The following DNAH14 variants were observed in gnomAD, a reference collection of about 807,000 sequenced individuals.
The protein encoded by DNAH14 is axonemal beta dynein heavy chain 14.
A neutral mutation model predicts 520.9 loss-of-function variants in DNAH14; 478 were observed. The ratio of observed to expected loss-of-function variants is 0.92; its 90% confidence interval spans 0.85 to 0.99. The LOEUF (loss-of-function observed/expected upper bound fraction) is 0.99. DNAH14 is among the 50% of genes least tolerant of loss of function. The probability of loss-of-function intolerance (pLI) is 0.00; values close to 1 mark genes in which losing one functional copy is unlikely to be tolerated. For missense variants in DNAH14, 4,831 were observed against 5,234.5 expected (o/e 0.92, Z 2.38); for synonymous variants, 1,581 against 1,757.2 (o/e 0.90, Z 2.51).
chr1:225,170,619 C>A (rs1038168806), intron 36 of DNAH14, among the ~76,000 whole-genome samples: 2 of 152,128 alleles, frequency 1.3e-5, no homozygotes, highest in Non-Finnish European at 2.9e-5. Context: ...ATTCATAAAG[C>A]AAGTCCTTAG....
intron 8 of DNAH14, among the ~76,000 whole-genome samples, chr1:224,980,307 A>G (rs1302487097): frequency 6.6e-6 from 1 of 152,120 alleles, no homozygotes; most frequent in Non-Finnish European, 1.5e-5. Context: ...CCACAAGCTG[A>G]CTGAAAAGCC....
intron 36 of DNAH14, among the ~76,000 whole-genome samples, chr1:225,180,475 A>G (rs1424274899): frequency 6.6e-6 from 1 of 152,230 alleles, no homozygotes; most frequent in Non-Finnish European, 1.5e-5. Flanking sequence ...GCTTCCACAC[A>G]TGGCAGAAAG....
At chr1:225,253,343 G>A (rs1005945372) in intron 44 of DNAH14, among the ~76,000 whole-genome samples, 4 of 151,954 alleles carry the variant, frequency 2.6e-5, no homozygotes, top group African/African-American at 4.8e-5. Context: ...CCACTCACAC[G>A]GGAAACCAAA....
chr1:225,078,543 C>T (rs1402025281), intron 17 of DNAH14, among the ~76,000 whole-genome samples: 7 of 152,126 alleles, frequency 4.6e-5, no homozygotes, highest in African/African-American at 2.4e-5. Flanking sequence ...CATGTTAATG[C>T]CCCAGTACTT....
intron 10 of DNAH14, among the ~76,000 whole-genome samples, chr1:225,009,160 G>C (rs2064467847): frequency 6.6e-6 from 1 of 152,118 alleles, no homozygotes; most frequent in Non-Finnish European, 1.5e-5. Context: ...TGCTTTTGGT[G>C]TTTTAGTCAT....
chr1:224,999,736 G>A (rs1031922794), intron 8 of DNAH14, among the ~76,000 whole-genome samples: 1 of 151,660 alleles, frequency 6.6e-6, no homozygotes, highest in Non-Finnish European at 1.5e-5. Context: ...TCTTTGTGTA[G>A]CTTTTTTAGT....
At chr1:225,223,155 G>A (rs1381920242) in intron 41 of DNAH14, among the ~76,000 whole-genome samples, 1 of 152,148 alleles carries the variant, frequency 6.6e-6, no homozygotes, top group African/African-American at 2.4e-5. Context: ...ACAGCTATGG[G>A]ACCCTGTCTT....
chr1:225,258,267 T>A, intron 45 of DNAH14, 149 bp downstream of exon 45: 1 of 733,712 alleles, frequency 1.4e-6, no homozygotes, highest in Non-Finnish European at 2.0e-6. Flanking sequence ...ACCAGCAGTT[T>A]ATGAACACCC....
In DNAH14 at chr1:225,239,682, T is replaced by C. The variant is rs79805426; in HGVS notation, c.6519-911T>C. Among the ~76,000 whole-genome samples, 1,509 of 152,308 alleles carry C rather than the reference T, an allele frequency of 9.9e-3. 39 individuals are homozygous for C. The highest frequency in any genetic ancestry group is 0.074 in the East Asian group (385 of 5,188). On this transcript the variant is annotated intron_variant, in intron 42 of 85. Coordinates refer to ENST00000682510, the MANE Select transcript of DNAH14 (RefSeq NM_001367479.1). ...ACTTATCATTGTTTAGCATTAATTT[T>C]CCTGTTCTGTAAAAAAGGGATCATA...
intron 1 of DNAH14, among the ~76,000 whole-genome samples, chr1:224,941,505 CAGA>C (rs2059418739): frequency 6.6e-6 from 1 of 152,138 alleles, no homozygotes; most frequent in African/African-American, 2.4e-5. Flanking sequence ...TTTTGCTGTG[CAGA>C]AGCTCTTTAG....
intron 38 of DNAH14, among the ~76,000 whole-genome samples, chr1:225,194,111 G>A (rs563507174): frequency 2.6e-5 from 4 of 152,138 alleles, no homozygotes; most frequent in South Asian, 2.1e-4. Context: ...CTGTTAAAAT[G>A]GCCATACTGC....
intron 35 of DNAH14, among the ~76,000 whole-genome samples, chr1:225,161,565 AG>A (rs2149155324): frequency 6.6e-6 from 1 of 152,240 alleles, no homozygotes; most frequent in African/African-American, 2.4e-5. Context: ...CTCTGTTTTT[AG>A]TTTTTTGACC....
chr1:225,103,211 A>G (rs1368533579), intron 23 of DNAH14, among the ~76,000 whole-genome samples: 1 of 152,060 alleles, frequency 6.6e-6, no homozygotes, highest in African/African-American at 2.4e-5. Context: ...GATATGGGAC[A>G]TTATTTCTGA....
chr1:225,084,555 T>C (rs868010206), intron 20 of DNAH14, among the ~76,000 whole-genome samples: 5 of 152,054 alleles, frequency 3.3e-5, no homozygotes, highest in African/African-American at 4.8e-5. Flanking sequence ...ACCTACCACA[T>C]GAAAAGCATT....
At position 225,353,841 on chromosome 1, in the gene DNAH14, A is replaced by G; in HGVS notation, c.11572A>G (p.Ile3858Val). ...LNENKETCNP[I>V]NFPWEKLTSF... is the part of the protein sequence containing the mutation. The stretch of plus-strand genomic sequence containing the variant: ...TGAAAATAAAGAAACGTGTAATCCT[A>G]TAAATTTTCCCTGGGAGAAACTCAC... Residue 3858 changes from isoleucine (I) to valine (V), a missense_variant, in exon 73 of 86, where the codon ATA becomes GTA. Physicochemically the swap from Ile to Val is conservative, Grantham distance 29. Coordinates refer to ENST00000682510, the MANE Select transcript of DNAH14 (RefSeq NM_001367479.1). 1 of 1,521,778 alleles carries G rather than the reference A, an allele frequency of 6.6e-7. No individual in the cohort carries two copies. The highest frequency in any genetic ancestry group is 8.9e-7 in the Non-Finnish European group (1 of 1,125,120). 94.3% of individuals were successfully genotyped at this position (1,521,778 alleles called of 1,614,324 possible).
At chr1:225,015,631 G>A (rs986427805) in intron 10 of DNAH14, among the ~76,000 whole-genome samples, 7 of 152,134 alleles carry the variant, frequency 4.6e-5, no homozygotes, top group Admixed American at 2.0e-4. Context: ...ATACCTTTAA[G>A]GGTAAACAAC....
At chr1:225,203,032 T>G (rs11584486) in intron 38 of DNAH14, among the ~76,000 whole-genome samples, 19,439 of 152,202 alleles carry the variant, frequency 0.13, 1,396 homozygotes, top group East Asian at 0.31. Context: ...TTCCACAGTT[T>G]GGACACTCTC....
rs2086803463 is a variant in DNAH14 at position 225,201,400 on chromosome 1, TG to T, written c.5887-2781del. Among the ~76,000 whole-genome samples, 4 of 152,278 alleles carry T rather than the reference TG, an allele frequency of 2.6e-5. No homozygotes were observed. The South Asian group carries it at 8.3e-4, about 32-fold the overall frequency. ...TTTCGTCTTGGTTTAGATTCATTGC[TG>T]GTGAGCTAGTGTGGTTTTTGGGGGC... On this transcript the variant is annotated intron_variant, in intron 38 of 85. Coordinates refer to ENST00000682510, the MANE Select transcript of DNAH14 (RefSeq NM_001367479.1).
chr1:225,074,131 C>G (rs2071927957), intron 17 of DNAH14, among the ~76,000 whole-genome samples: 1 of 150,030 alleles, frequency 6.7e-6, no homozygotes, highest in Admixed American at 6.7e-5. Context: ...TCCCAAGTAG[C>G]TGGGACTACA....
Sources: gnomAD v4.1 joint callset for allele counts (sites outside exome capture counted in the v4.1 genomes callset) on GRCh38, gnomAD v4.1.1 for gene constraint, MANE v1.5 for transcripts, NCBI Gene and HGNC (gene_info 2026-07-23, HGNC 2026-07-21) for gene names.